The following PHYHIP variants were observed in gnomAD, a reference collection of about 807,000 sequenced individuals.
The protein encoded by PHYHIP is phytanoyl-CoA hydroxylase-interacting protein.
Under a neutral mutation model 26.1 loss-of-function variants are expected in PHYHIP, and 7 were observed. The observed-to-expected ratio is 0.27, with a 90% confidence interval of 0.15 to 0.50. PHYHIP has a LOEUF of 0.50. PHYHIP is among the 20% of genes least tolerant of loss of function. The probability of loss-of-function intolerance (pLI) is 0.98; values close to 1 mark genes in which losing one functional copy is unlikely to be tolerated. For synonymous variants in PHYHIP, 206 were observed against 183.4 expected (o/e 1.12, Z -1.00); for missense variants, 232 against 454.7 (o/e 0.51, Z 4.45).
chr8:22,227,596 T>A (rs1180428814), intron 2 of PHYHIP: 1 of 455,590 alleles, frequency 2.2e-6, no homozygotes, highest in African/African-American at 2.0e-5. Flanking sequence ...AGGATGGGGG[T>A]CTTCCTCCCA....
chr8:22,228,978 G>A (rs4871976), intron 1 of PHYHIP: 92,976 of 152,196 alleles, frequency 0.61, 31,586 homozygotes, highest in South Asian at 0.87. Flanking sequence ...CGGCACAGCC[G>A]GCTTCAAGCT....
Position 22,228,602 on chromosome 8 carries a change from G to A in PHYHIP, c.-29-216C>T, listed in dbSNP as rs141951577. ...CGGGGGGCTCTTTGCTCTCCTCGGA[G>A]GGGTCTGCAGAGCAGACGGCACCTG... On this transcript the variant is annotated intron_variant, in intron 1 of 4. Coordinates refer to ENST00000454243, the MANE Select transcript of PHYHIP (RefSeq NM_014759.5). 287 of 427,354 alleles carry A rather than the reference G, an allele frequency of 6.7e-4. 1 individual carries two copies. The highest frequency in any genetic ancestry group is 5.0e-3 in the African/African-American group (253 of 50,286). The allele number at this position is 427,354 out of a possible 1,614,324, so 26.5% of individuals were successfully genotyped here.
intron 3 of PHYHIP, among the ~76,000 whole-genome samples, chr8:22,225,913 C>T (rs1278288750): frequency 6.6e-6 from 1 of 152,070 alleles, no homozygotes; most frequent in African/African-American, 2.4e-5. Context: ...AGGATAGAGC[C>T]AGCAGCCTCA....
rs372136819 is a variant in PHYHIP, at chr8:22,224,267, G to A, written c.417C>T (p.Val139=). 131 of 1,612,544 alleles carry A rather than the reference G, an allele frequency of 8.1e-5. No individual in the cohort carries two copies. The highest frequency in any genetic ancestry group is 1.1e-4 in the Non-Finnish European group (126 of 1,178,962). ...ACTCCTTGTGATGGTTGCGGTAGAAGACGGAGAAGCGGAGCATGCGGCCTG... is the reference window on the plus strand; with the variant it reads ...ACTCCTTGTGATGGTTGCGGTAGAAAACGGAGAAGCGGAGCATGCGGCCTG... ...QIAGRMLRFS[V]FYRNHHKEYF... is the part of the protein sequence containing the mutation. Residue 139 remains valine, a synonymous_variant, in exon 4 of 5, where the codon GTC becomes GTT. Coordinates refer to ENST00000454243, the MANE Select transcript of PHYHIP (RefSeq NM_014759.5).
At chr8:22,224,175 C>A in intron 4 of PHYHIP, 51 bp downstream of exon 4, 1 of 1,081,192 alleles carries the variant, frequency 9.2e-7, no homozygotes, top group Non-Finnish European at 1.4e-6. Context: ...GCAGGAAGGG[C>A]TGGGAGGGAG....
chr8:22,222,169 G>A (rs921873943), intron 4 of PHYHIP, among the ~76,000 whole-genome samples: 7 of 151,918 alleles, frequency 4.6e-5, no homozygotes, highest in Admixed American at 1.3e-4. Context: ...AAAACACGGC[G>A]GCTCATGATC....
intron 2 of PHYHIP, among the ~76,000 whole-genome samples, chr8:22,227,252 T>C (rs911710631): frequency 1.3e-5 from 2 of 152,104 alleles, no homozygotes; most frequent in African/African-American, 4.8e-5. Flanking sequence ...CCCGTTCTCT[T>C]GGGAACGGAG....
chr8:22,225,990 C>T (rs1258351933), intron 3 of PHYHIP, among the ~76,000 whole-genome samples: 3 of 152,094 alleles, frequency 2.0e-5, no homozygotes, highest in East Asian at 1.9e-4. Flanking sequence ...CAGCTCTCAC[C>T]GTGAACACCA....
Position 22,226,853 on chromosome 8 carries a change from C to T in PHYHIP, c.338G>A (p.Gly113Glu). 1 of 1,611,646 alleles carries T rather than the reference C, an allele frequency of 6.2e-7. No homozygotes were observed. The highest frequency in any genetic ancestry group is 8.5e-7 in the Non-Finnish European group (1 of 1,178,682). Residue 113 changes from glycine (G) to glutamate (E), a missense_variant and splice_region_variant, in exon 3 of 5, where the codon GGG becomes GAG. Coordinates refer to ENST00000454243, the MANE Select transcript of PHYHIP (RefSeq NM_014759.5). ...GGGGTGTGATAGCAGGGCCTCACCC[C>T]CAGTGCAGAACTCCACCGTCTCGCT... ...GWSETVEFCT[G>E]DYAKEHLAQL...
chr8:22,230,449 C>G (rs910886575), intron 1 of PHYHIP, among the ~76,000 whole-genome samples: 2 of 152,142 alleles, frequency 1.3e-5, no homozygotes. Context: ...TGACATCCCC[C>G]CGCTAGCTTG....
At chr8:22,227,177 C>G in intron 2 of PHYHIP, 152 bp from the exon 3 acceptor site, 3 of 707,448 alleles carry the variant, frequency 4.2e-6, no homozygotes, top group Non-Finnish European at 6.8e-6. Flanking sequence ...CCCTGGCCAC[C>G]ATTTTCCTGG....
chr8:22,228,669 G>C, intron 1 of PHYHIP: 1 of 236,556 alleles, frequency 4.2e-6, no homozygotes, highest in Middle Eastern at 1.4e-3. Context: ...AGCCGGGCGG[G>C]GACAGATTTG....
chr8:22,221,280 G>A lies in PHYHIP; in HGVS notation c.*73C>T. On this transcript the variant is annotated 3_prime_UTR_variant, in exon 5 of 5. Coordinates refer to ENST00000454243, the MANE Select transcript of PHYHIP (RefSeq NM_014759.5). The surrounding 1 kb of genome is among the most constrained non-coding windows in gnomAD (Gnocchi z 7.9). ...CAGGGGGGCAGGAGAGAGAAAGCCAGCTCCCTGAACCTGGGCTACCCACCT... is the reference window on the plus strand; with the variant it reads ...CAGGGGGGCAGGAGAGAGAAAGCCAACTCCCTGAACCTGGGCTACCCACCT... 7.2e-7 allele frequency: 1 copy of A among 1,395,258 alleles called. No homozygotes were observed. Among genetic ancestry groups the A allele is most frequent in the Non-Finnish European group, 9.6e-7 (1 of 1,039,184 alleles). The allele number at this position is 1,395,258 out of a possible 1,614,324, so 86.4% of individuals were successfully genotyped here.
intron 3 of PHYHIP, among the ~76,000 whole-genome samples, chr8:22,226,504 T>C (rs1471441653): frequency 6.6e-6 from 1 of 152,178 alleles, no homozygotes; most frequent in Non-Finnish European, 1.5e-5. Context: ...CACTTCAAAA[T>C]GGTCGAGACG....
intron 2 of PHYHIP, 126 bp downstream of exon 2, chr8:22,228,067 C>T (rs1043384886): frequency 1.3e-6 from 1 of 777,632 alleles, no homozygotes; most frequent in African/African-American, 1.7e-5. Context: ...CCCAAAATGA[C>T]ACAGGAAGAA....
Position 22,228,343 on chromosome 8 carries a change from G to A in PHYHIP, c.15C>T (p.Ser5=), listed in dbSNP as rs758559346. The A allele has an allele frequency of 6.3e-7, 1 of 1,597,988 alleles. No individual in the cohort carries two copies. Among genetic ancestry groups the A allele is most frequent in the South Asian group, 1.1e-5 (1 of 88,904 alleles). Residue 5 remains serine (S), a synonymous_variant, in exon 2 of 5, where the codon TCC becomes TCT. Coordinates refer to ENST00000454243, the MANE Select transcript of PHYHIP (RefSeq NM_014759.5). MELL[S]TPHSIEINNI... is the part of the protein sequence containing the mutation. Reference sequence around the variant, plus strand: ...TGTTGATCTCAATGCTGTGGGGCGTGGACAGCAGCTCCATGCTCCCGTCAG... The same window carrying A: ...TGTTGATCTCAATGCTGTGGGGCGTAGACAGCAGCTCCATGCTCCCGTCAG...
At chr8:22,225,392 G>A (rs990933377) in intron 3 of PHYHIP, among the ~76,000 whole-genome samples, 1 of 152,078 alleles carries the variant, frequency 6.6e-6, no homozygotes, top group African/African-American at 2.4e-5. Context: ...AGCTGAGGAG[G>A]GAGGATGGCT....
At chr8:22,231,657 C>CGG (rs10537398) in intron 1 of PHYHIP, 139 bp downstream of exon 1, 18 of 150,280 alleles carry the variant, frequency 1.2e-4, no homozygotes, top group African/African-American at 4.2e-4. Context: ...AAGGCCTGGC[C>CGG]GGGGGGGGGG....
At chr8:22,231,613 C>T (rs1022643623) in intron 1 of PHYHIP, among the ~76,000 whole-genome samples, 183 bp downstream of exon 1, 7 of 151,964 alleles carry the variant, frequency 4.6e-5, no homozygotes, top group African/African-American at 9.7e-5. Context: ...TGTGGTGCCC[C>T]AGAGACTGGA....
Sources: gnomAD v4.1 joint callset for allele counts (sites outside exome capture counted in the v4.1 genomes callset) on GRCh38, gnomAD v4.1.1 for gene constraint, Gnocchi (gnomAD v3.1) non-coding constraint, MANE v1.5 for transcripts, NCBI Gene and HGNC (gene_info 2026-07-23, HGNC 2026-07-21) for gene names.